Variants in DENND2B observed in about 807,000 individuals in gnomAD.
DENND2B encodes DENN domain-containing protein 2B.
Under a neutral mutation model 116.0 loss-of-function variants are expected in DENND2B, and 32 were observed. The observed-to-expected ratio is 0.28, with a 90% confidence interval of 0.21 to 0.37. DENND2B has a LOEUF of 0.37. Ranked by LOEUF, DENND2B falls within the 10% of genes least tolerant of loss-of-function variation. The pLI is 1.00. For missense variants in DENND2B, 1,276 were observed against 1,477.7 expected, an observed-to-expected ratio of 0.86 and a Z score of 2.24; for synonymous variants, 588 against 583.9, an observed-to-expected ratio of 1.01 and a Z score of -0.10.
intron 1 of DENND2B, among the ~76,000 whole-genome samples, chr11:8,778,486 G>A (rs943790781): frequency 1.3e-5 from 2 of 152,202 alleles, no homozygotes; most frequent in African/African-American, 4.8e-5. Context: ...CTGTGTGTCT[G>A]TGTTTTATTT....
intron 3 of DENND2B, among the ~76,000 whole-genome samples, chr11:8,850,291 T>C (rs578262739): frequency 3.9e-5 from 6 of 152,164 alleles, no homozygotes; most frequent in Non-Finnish European, 8.8e-5. Context: ...AAATAAAATA[T>C]AAAACTGCTT....
At chr11:8,780,119 C>T (rs539493589) in intron 1 of DENND2B, among the ~76,000 whole-genome samples, 1 of 152,192 alleles carries the variant, frequency 6.6e-6, no homozygotes, top group Non-Finnish European at 1.5e-5. Context: ...TTTCCTCCTT[C>T]CATTCATACT....
At chr11:8,814,011 G>A (rs1472337851), upstream of DENND2B, among the ~76,000 whole-genome samples, 1 of 152,258 alleles carries the variant, frequency 6.6e-6, no homozygotes, top group South Asian at 2.1e-4. Flanking sequence ...TAAGCTCTCT[G>A]CTGTCTACTG....
rs189382901 is a variant in DENND2B, at chr11:8,791,547, G to A, written c.-26+18970C>T. On this transcript the variant is annotated intron_variant, in intron 1 of 19. Coordinates refer to ENST00000313726, the MANE Select transcript of DENND2B (RefSeq NM_213618.2). ...TTTGGGAGGCCGAGGCAGGCGGATCGCTCAAGGTCAGGAGTTCAAGACCAG... is the reference window on the plus strand; with the variant it reads ...TTTGGGAGGCCGAGGCAGGCGGATCACTCAAGGTCAGGAGTTCAAGACCAG... Among the ~76,000 whole-genome samples the A allele has an allele frequency of 1.3e-3, 200 of 151,570 alleles. 1 individual carries two copies. In the Middle Eastern group the frequency reaches 0.017, roughly 13 times the overall value.
intron 4 of DENND2B, among the ~76,000 whole-genome samples, chr11:8,823,585 C>T (rs7930737): frequency 0.66 from 100,745 of 151,908 alleles, 35,319 homozygotes; most frequent in Admixed American, 0.79. Flanking sequence ...GTGAGTGAGG[C>T]TCATGAGATC....
At chr11:8,837,478 G>A (rs1475871467) in intron 4 of DENND2B, among the ~76,000 whole-genome samples, 2 of 152,148 alleles carry the variant, frequency 1.3e-5, no homozygotes, top group Non-Finnish European at 2.9e-5. Context: ...CTCCTGAGTA[G>A]CTGGGAATAC....
intron 14 of DENND2B, among the ~76,000 whole-genome samples, chr11:8,701,129 G>A (rs2041516992): frequency 6.6e-6 from 1 of 152,104 alleles, no homozygotes; most frequent in African/African-American, 2.4e-5. Context: ...TGGAAAGAAA[G>A]CCCCGGCTCT....
rs78182309 is a variant in DENND2B at position 8,718,389 on chromosome 11, A to C, written c.1478-497T>G. ...AGGGTGGGCATGGAGGAACTCACAG[A>C]ACCGTAGGGAGCAGGGCTTCGCCAG... is the stretch of plus-strand genomic sequence containing the variant. On this transcript the variant is annotated intron_variant, in intron 4 of 19. Transcript: ENST00000313726. 4,721 of 1,535,228 alleles carry C rather than the reference A, an allele frequency of 3.1e-3. 151 individuals are homozygous for C. In the African/African-American group the frequency reaches 0.053, roughly 17 times the overall value.
intron 4 of DENND2B, among the ~76,000 whole-genome samples, chr11:8,819,516 T>C (rs571046809): frequency 2.0e-5 from 3 of 152,158 alleles, no homozygotes; most frequent in Admixed American, 6.5e-5. Flanking sequence ...TGGACACATA[T>C]CACCTTAATC....
chr11:8,836,021 G>T (rs2062407982), intron 4 of DENND2B, among the ~76,000 whole-genome samples: 1 of 152,022 alleles, frequency 6.6e-6, no homozygotes, highest in African/African-American at 2.4e-5. Flanking sequence ...GTAGGTCACA[G>T]TGGAGTTAGG....
At chr11:8,749,998 C>T (rs1030925035) in intron 2 of DENND2B, among the ~76,000 whole-genome samples, 2 of 152,108 alleles carry the variant, frequency 1.3e-5, no homozygotes, top group African/African-American at 4.8e-5. Context: ...TTTATGTCAG[C>T]CATAATGCTA....
chr11:8,813,246 G>A (rs117524081), upstream of DENND2B, among the ~76,000 whole-genome samples: 347 of 152,230 alleles, frequency 2.3e-3, 4 homozygotes, highest in East Asian at 0.055. Flanking sequence ...AAATCCAACA[G>A]GAAATGACAG....
chr11:8,906,269 G>A (rs1436560960), intron 1 of DENND2B, among the ~76,000 whole-genome samples: 7 of 138,664 alleles, frequency 5.0e-5, no homozygotes, highest in Non-Finnish European at 1.1e-4. Flanking sequence ...GCAGTGGCGC[G>A]ACCTTGGCTC....
chr11:8,805,143 C>T (rs2060729938), intron 1 of DENND2B, among the ~76,000 whole-genome samples: 2 of 152,222 alleles, frequency 1.3e-5, no homozygotes, highest in South Asian at 4.1e-4. Context: ...AGGTCAGGCT[C>T]TAAAGCTAGG....
intron 1 of DENND2B, among the ~76,000 whole-genome samples, chr11:8,782,223 TTGAA>T (rs2058446117): frequency 6.6e-6 from 1 of 152,162 alleles, no homozygotes; most frequent in South Asian, 2.1e-4. Flanking sequence ...AGAAATGACT[TTGAA>T]TGAAAAAAAA....
At position 8,711,236 on chromosome 11, in the gene DENND2B, AG is replaced by A. The variant is rs1309042964; in HGVS notation, c.2173-6del. Reference sequence around the variant, plus strand: ...CTGCTTGGTGGGTCGGTCCAGCTGCAGGGAAGAAGGAACCAGGAGATGACAT... The same window carrying A: ...CTGCTTGGTGGGTCGGTCCAGCTGCAGGAAGAAGGAACCAGGAGATGACAT... On this transcript the variant is annotated splice_region_variant and splice_polypyrimidine_tract_variant and intron_variant, in intron 9 of 19. Coordinates refer to ENST00000313726, the MANE Select transcript of DENND2B (RefSeq NM_213618.2). 6.2e-7 allele frequency: 1 copy of A among 1,613,386 alleles called. No homozygotes were observed. The highest frequency in any genetic ancestry group is 8.5e-7 in the Non-Finnish European group (1 of 1,179,876).
chr11:8,714,060 G>A lies in DENND2B; in HGVS notation c.1943-18C>T. On this transcript the variant is annotated intron_variant, in intron 7 of 19. Coordinates refer to ENST00000313726, the MANE Select transcript of DENND2B (RefSeq NM_213618.2). ...GTTTTCATCTGGAAAAGGAACAGCAGAGTACATACTTGCTGGACCTCACAG... is the reference window on the plus strand; with the variant it reads ...GTTTTCATCTGGAAAAGGAACAGCAAAGTACATACTTGCTGGACCTCACAG... 6 of 1,613,120 alleles carry A rather than the reference G, an allele frequency of 3.7e-6. No homozygotes were observed. Among genetic ancestry groups the A allele is most frequent in the Non-Finnish European group, 5.1e-6 (6 of 1,179,380 alleles).
chr11:8,716,387 T>C (rs1233617677), intron 5 of DENND2B, among the ~76,000 whole-genome samples: 1 of 152,088 alleles, frequency 6.6e-6, no homozygotes, highest in African/African-American at 2.4e-5. Flanking sequence ...CTGGCTGCCC[T>C]CTCCCCAGCC....
At chr11:8,897,073 A>C (rs1367060872) in intron 1 of DENND2B, among the ~76,000 whole-genome samples, 1 of 148,484 alleles carries the variant, frequency 6.7e-6, no homozygotes, top group African/African-American at 2.4e-5. Flanking sequence ...GCCCATCTCT[A>C]CAAAAAATAC....
Sources: gnomAD v4.1 joint callset for allele counts (sites outside exome capture counted in the v4.1 genomes callset) on GRCh38, gnomAD v4.1.1 for gene constraint, MANE v1.5 for transcripts, NCBI Gene and HGNC (gene_info 2026-07-23, HGNC 2026-07-21) for gene names.